Variants in PHKG2 observed in about 807,000 individuals in gnomAD.
PHKG2 encodes phosphorylase kinase catalytic subunit gamma 2.
A neutral mutation model predicts 44.5 loss-of-function variants in PHKG2; 28 were observed. That is an observed-to-expected ratio of 0.63 (90% CI 0.47 to 0.86). The LOEUF (loss-of-function observed/expected upper bound fraction) is 0.86, where lower values mean the gene tolerates loss of function less well. Among genes scored for constraint, PHKG2 ranks in the 40% least tolerant of loss-of-function variants. The pLI, the probability that PHKG2 is intolerant of heterozygous loss-of-function variation, is 0.00. For synonymous variants in PHKG2, 220 were observed against 211.2 expected (o/e 1.04, Z -0.36); for missense variants, 498 against 547.5 (o/e 0.91, Z 0.90).
At position 30,748,672 on chromosome 16, in the gene PHKG2, TCCCCCACCCC is replaced by T. The variant is rs2053285654; in HGVS notation, c.-18-118_-18-109del. 4.6e-5 allele frequency: 16 copies of T among 348,246 alleles called. 3 individuals are homozygous for T. The highest frequency in any genetic ancestry group is 8.1e-5 in the East Asian group (1 of 12,292). 21.6% of individuals were successfully genotyped at this position (348,246 alleles called of 1,614,324 possible). A position where few individuals can be genotyped will look rare whatever the true frequency, so the allele number is the denominator to read the frequency against. On this transcript the variant is annotated intron_variant, in intron 1 of 9. Coordinates refer to ENST00000563588, the MANE Select transcript of PHKG2 (RefSeq NM_000294.3). ...GCGGGGTCTCCCCAGTCCGGGTCCTTCCCCCACCCCCCCCCACCCCCCAGGACCCTGGCGC... is the reference window on the plus strand; with the variant it reads ...GCGGGGTCTCCCCAGTCCGGGTCCTTCCCCCACCCCCCAGGACCCTGGCGC...
At position 30,758,601 on chromosome 16, in the gene PHKG2, G is replaced by T; in HGVS notation, c.*1504G>T. 1 of 235,612 alleles carries T rather than the reference G, an allele frequency of 4.2e-6. No individual in the cohort carries two copies. The highest frequency in any genetic ancestry group is 8.4e-6 in the Non-Finnish European group (1 of 118,416). The allele number at this position is 235,612 out of a possible 1,614,324, so 14.6% of individuals were successfully genotyped here. On this transcript the variant is annotated 3_prime_UTR_variant, in exon 10 of 10. Transcript: ENST00000563588. ...GACAGAGTCTTGCTCTGTTGCCCAG[G>T]CTGGAGTGCAGTGGCCAGATCTTGG...
chr16:30,758,060 C>A lies in PHKG2; in HGVS notation c.*963C>A. 1.3e-5 allele frequency: 2 copies of A among 157,926 alleles called. No individual in the cohort carries two copies. The highest frequency in any genetic ancestry group is 2.8e-5 in the Non-Finnish European group (2 of 72,622). 9.8% of individuals were successfully genotyped at this position (157,926 alleles called of 1,614,324 possible). A position where few individuals can be genotyped will look rare whatever the true frequency, so the allele number is the denominator to read the frequency against. On this transcript the variant is annotated 3_prime_UTR_variant, in exon 10 of 10. Transcript: ENST00000563588. Reference sequence around the variant, plus strand: ...CCAAGTATGTGCTGGCTGTTATTGTCATTGGCTTTCTCTTTTTTTTTTTTT... The same window carrying A: ...CCAAGTATGTGCTGGCTGTTATTGTAATTGGCTTTCTCTTTTTTTTTTTTT...
In PHKG2 at chr16:30,748,898, T is replaced by G; in HGVS notation, c.78T>G (p.Pro26=). 2 of 1,553,578 alleles carry G rather than the reference T, an allele frequency of 1.3e-6. No homozygotes were observed. The highest frequency in any genetic ancestry group is 1.7e-6 in the Non-Finnish European group (2 of 1,147,978). ...AAKEFYQKYD[P]KDVIGRGVSS... ...AAGAGTTTTACCAGAAGTACGACCC[T>G]AAGGACGTCATCGGCAGGTAAGGCC... is the stretch of plus-strand genomic sequence containing the variant. Residue 26 remains proline, a synonymous_variant, in exon 2 of 10, where the codon CCT becomes CCG. Coordinates refer to ENST00000563588, the MANE Select transcript of PHKG2 (RefSeq NM_000294.3).
rs545271753 is a variant in PHKG2 at position 30,760,762 on chromosome 16, C to T, written c.*3665C>T. 257 of 1,176,352 alleles carry T rather than the reference C, an allele frequency of 2.2e-4. No individual in the cohort carries two copies. Among genetic ancestry groups the T allele is most frequent in the Non-Finnish European group, 2.7e-4 (219 of 810,490 alleles). The allele number at this position is 1,176,352 out of a possible 1,614,324, so 72.9% of individuals were successfully genotyped here. On this transcript the variant is annotated 3_prime_UTR_variant, in exon 10 of 10. Coordinates refer to ENST00000563588, the MANE Select transcript of PHKG2 (RefSeq NM_000294.3). ...CGTGAGACTGGGAGTTGGCCACCGG[C>T]GTGAAGCTGGGCTCTTTTGCCAGCT...
chr16:30,757,709 G>C lies in PHKG2; in HGVS notation c.*612G>C. 6.4e-7 allele frequency: 1 copy of C among 1,551,870 alleles called. No individual in the cohort carries two copies. The highest frequency in any genetic ancestry group is 2.3e-5 in the East Asian group (1 of 43,934). ...GAGGAGAGATGCTGTCTGGCAATGG[G>C]GGGATGGTCCCTAGTTGGGCAAACA... On this transcript the variant is annotated 3_prime_UTR_variant, in exon 10 of 10. Coordinates refer to ENST00000563588, the MANE Select transcript of PHKG2 (RefSeq NM_000294.3).
rs748995449 is a variant in PHKG2, at chr16:30,761,078, T to C, written c.*3981T>C. The C allele has an allele frequency of 8.4e-5, 96 of 1,141,512 alleles. No individual in the cohort carries two copies. The highest frequency in any genetic ancestry group is 1.1e-4 in the Non-Finnish European group (87 of 796,844). 70.7% of individuals were successfully genotyped at this position (1,141,512 alleles called of 1,614,324 possible). On this transcript the variant is annotated 3_prime_UTR_variant, in exon 10 of 10. Coordinates refer to ENST00000563588, the MANE Select transcript of PHKG2 (RefSeq NM_000294.3). Reference sequence around the variant, plus strand: ...GCCAACTTCCAGTCACCTGGAGTAATTGCATCTCCAGGCCTCAGTCTCATC... The same window carrying C: ...GCCAACTTCCAGTCACCTGGAGTAACTGCATCTCCAGGCCTCAGTCTCATC...
Position 30,751,202 on chromosome 16 carries a change from T to C in PHKG2, c.192T>C (p.Pro64=), listed in dbSNP as rs372292588. 42 of 1,613,654 alleles carry C rather than the reference T, an allele frequency of 2.6e-5. No homozygotes were observed. The highest frequency in any genetic ancestry group is 3.3e-5 in the Non-Finnish European group (39 of 1,180,016). ...IMEVTAERLS[P]EQLEEVREAT... The stretch of plus-strand genomic sequence containing the variant: ...AAGTGACAGCTGAGCGGCTGAGTCC[T>C]GAGCAGCTGGAGGAGGTGCGGGAAG... The change falls in exon 3 of 10, where the codon CCT becomes CCC. Residue 64 remains proline (P), a synonymous_variant. Coordinates refer to ENST00000563588, the MANE Select transcript of PHKG2 (RefSeq NM_000294.3).
At position 30,760,340 on chromosome 16, in the gene PHKG2, A is replaced by G. The variant is rs766453263; in HGVS notation, c.*3243A>G. The G allele has an allele frequency of 1.9e-6, 3 of 1,614,224 alleles. No individual in the cohort carries two copies. Among genetic ancestry groups the G allele is most frequent in the Non-Finnish European group, 1.7e-6 (2 of 1,180,038 alleles). On this transcript the variant is annotated 3_prime_UTR_variant, in exon 10 of 10. Coordinates refer to ENST00000563588, the MANE Select transcript of PHKG2 (RefSeq NM_000294.3). ...GGCACAAGCCGCTGACGTCTGCTCCAGTGAGAAGCCCTGCTGGCGGCAGAA... is the reference window on the plus strand; with the variant it reads ...GGCACAAGCCGCTGACGTCTGCTCCGGTGAGAAGCCCTGCTGGCGGCAGAA...
Position 30,759,969 on chromosome 16 carries a change from C to T in PHKG2, c.*2872C>T. 2 of 1,451,952 alleles carry T rather than the reference C, an allele frequency of 1.4e-6. No homozygotes were observed. Among genetic ancestry groups the T allele is most frequent in the Non-Finnish European group, 1.8e-6 (2 of 1,109,478 alleles). The allele number at this position is 1,451,952 out of a possible 1,614,324, so 89.9% of individuals were successfully genotyped here. Reference sequence around the variant, plus strand: ...AAGCTTATATTCTAGGGGAATAAACCAAGAAATAGATCATTTCAGCTATTA... The same window carrying T: ...AAGCTTATATTCTAGGGGAATAAACTAAGAAATAGATCATTTCAGCTATTA... On this transcript the variant is annotated 3_prime_UTR_variant, in exon 10 of 10. Coordinates refer to ENST00000563588, the MANE Select transcript of PHKG2 (RefSeq NM_000294.3).
chr16:30,756,247 C>T lies in PHKG2; in HGVS notation c.622C>T (p.Pro208Ser). The part of the protein sequence containing the change: ...ILKCSMDETH[P>S]GYGKEVDLWA... ...TAAATGCTCCATGGATGAAACCCAC[C>T]CAGGCTATGGCAAGGAGGTCGACCT... Residue 208 changes from proline (P) to serine (S), a missense_variant, in exon 7 of 10, where the codon CCA (proline) becomes TCA (serine). Transcript: ENST00000563588. 6.2e-7 allele frequency: 1 copy of T among 1,614,110 alleles called. No individual in the cohort carries two copies. The highest frequency in any genetic ancestry group is 8.5e-7 in the Non-Finnish European group (1 of 1,180,002).
At chr16:30,748,522 T>C in intron 1 of PHKG2, 32 bp downstream of exon 1, 2 of 492,658 alleles carry the variant, frequency 4.1e-6, no homozygotes, top group Non-Finnish European at 7.3e-6. Flanking sequence ...GTCCCCTTCC[T>C]GCGCCCGCCC....
Position 30,761,025 on chromosome 16 carries a change from C to G in PHKG2, c.*3928C>G. On this transcript the variant is annotated 3_prime_UTR_variant, in exon 10 of 10. Coordinates refer to ENST00000563588, the MANE Select transcript of PHKG2 (RefSeq NM_000294.3). ...TTTGGCTCTTTTTTTCTCACACTGC[C>G]TCCTCTTTGGACTGGAGAGGCTGGA... 1 of 683,232 alleles carries G rather than the reference C, an allele frequency of 1.5e-6. No individual in the cohort carries two copies. The highest frequency in any genetic ancestry group is 2.5e-6 in the Non-Finnish European group (1 of 407,212). 42.3% of individuals were successfully genotyped at this position (683,232 alleles called of 1,614,324 possible). A position where few individuals can be genotyped will look rare whatever the true frequency, so the allele number is the denominator to read the frequency against.
rs56107910 is a variant in PHKG2 at position 30,757,171 on chromosome 16, GCTCTGGC to G, written c.*85_*91del. On this transcript the variant is annotated 3_prime_UTR_variant, in exon 10 of 10. Transcript: ENST00000563588. ...GTTTTGATCATTCCAGCTCCTCTGG[GCTCTGGC>G]CTCTGGCCTCAGGCCCACTAATGAT... 1,590,588 of 1,600,816 alleles carry G rather than the reference GCTCTGGC, an allele frequency of 0.99. 790,701 individuals are homozygous for G. The highest frequency in any genetic ancestry group is 1 in the Non-Finnish European group (1,179,083 of 1,179,246).
chr16:30,756,932 C>A lies in PHKG2; in HGVS notation c.1056C>A (p.Asn352Lys). ...ALRSVRHLID[N>K]CAFRLYGHWV... ...GGTCAGTGCGGCACCTCATCGACAACTGTGCCTTCCGGCTCTACGGGCACT... is the reference window on the plus strand; with the variant it reads ...GGTCAGTGCGGCACCTCATCGACAAATGTGCCTTCCGGCTCTACGGGCACT... The change falls in exon 10 of 10, where the codon AAC (asparagine) becomes AAA (lysine). Residue 352 changes from asparagine to lysine, a missense_variant. Asn to Lys is a moderately conservative substitution (Grantham distance 94). Coordinates refer to ENST00000563588, the MANE Select transcript of PHKG2 (RefSeq NM_000294.3). 1 of 1,613,894 alleles carries A rather than the reference C, an allele frequency of 6.2e-7. No homozygotes were observed. Among genetic ancestry groups the A allele is most frequent in the Non-Finnish European group, 8.5e-7 (1 of 1,180,018 alleles).
In PHKG2 at chr16:30,759,281, T is replaced by C. The variant is rs191838893; in HGVS notation, c.*2184T>C. The C allele has an allele frequency of 3.8e-5, 62 of 1,613,478 alleles. No homozygotes were observed. In the African/African-American group the frequency reaches 7.5e-4, roughly 19 times the overall value. ...CAAGGCAGAGGGAGGCTGAAAGGAG[T>C]GCACCTGTGCTGAGGGGAGGGGCGG... is the stretch of plus-strand genomic sequence containing the variant. On this transcript the variant is annotated 3_prime_UTR_variant, in exon 10 of 10. Transcript: ENST00000563588.
Position 30,748,845 on chromosome 16 carries a change from G to A in PHKG2, c.25G>A (p.Asp9Asn), listed in dbSNP as rs1389929145. 11 of 1,553,070 alleles carry A rather than the reference G, an allele frequency of 7.1e-6. No homozygotes were observed. Among genetic ancestry groups the A allele is most frequent in the East Asian group, 2.4e-5 (1 of 41,242 alleles). Reference sequence around the variant, plus strand: ...GATGACGCTGGACGTGGGGCCGGAGGATGAGCTGCCCGACTGGGCCGCCGC... The same window carrying A: ...GATGACGCTGGACGTGGGGCCGGAGAATGAGCTGCCCGACTGGGCCGCCGC... MTLDVGPE[D>N]ELPDWAAAKE... Residue 9 changes from aspartate (D) to asparagine (N), a missense_variant, in exon 2 of 10, where the codon GAT (aspartate) becomes AAT (asparagine). Coordinates refer to ENST00000563588, the MANE Select transcript of PHKG2 (RefSeq NM_000294.3).
rs1276458097 is a variant in PHKG2 at position 30,759,126 on chromosome 16, C to A, written c.*2029C>A. 6.2e-7 allele frequency: 1 copy of A among 1,614,194 alleles called. No individual in the cohort carries two copies. The highest frequency in any genetic ancestry group is 8.5e-7 in the Non-Finnish European group (1 of 1,180,036). On this transcript the variant is annotated 3_prime_UTR_variant, in exon 10 of 10. Coordinates refer to ENST00000563588, the MANE Select transcript of PHKG2 (RefSeq NM_000294.3). ...TCTGCAAACCAGAAGCAGGAAGAGA[C>A]TGTGGCCCCAGGCCTGGCCCAGCCC...
chr16:30,759,678 A>T lies in PHKG2; in HGVS notation c.*2581A>T. ...CCCTGACTCCATGGCAAAAAAGGAC[A>T]CTGGTGAAGTAGCGGTAGCACTCCT... On this transcript the variant is annotated 3_prime_UTR_variant, in exon 10 of 10. Coordinates refer to ENST00000563588, the MANE Select transcript of PHKG2 (RefSeq NM_000294.3). 6.2e-7 allele frequency: 1 copy of T among 1,613,960 alleles called. No individual in the cohort carries two copies. Among genetic ancestry groups the T allele is most frequent in the Non-Finnish European group, 8.5e-7 (1 of 1,179,994 alleles).
intron 6 of PHKG2, among the ~76,000 whole-genome samples, chr16:30,755,416 G>A (rs1389778290): frequency 2.6e-5 from 4 of 152,110 alleles, no homozygotes; most frequent in Admixed American, 2.6e-4. Context: ...GGTAGCTCAC[G>A]CCTGTAATCC....
Sources: allele counts gnomAD v4.1 joint callset (sites outside exome capture counted in the v4.1 genomes callset), GRCh38; gene constraint gnomAD v4.1.1; transcripts MANE v1.5; gene names NCBI Gene and HGNC (gene_info 2026-07-23, HGNC 2026-07-21).